Variants in EVI5 observed in about 807,000 individuals in gnomAD.
EVI5 encodes ecotropic viral integration site 5, also known as ecotropic viral integration site 5 protein homolog.
Under a neutral mutation model 112.0 loss-of-function variants are expected in EVI5, and 73 were observed. The observed-to-expected ratio is 0.65, with a 90% confidence interval of 0.54 to 0.79. The LOEUF is 0.79. Among genes scored for constraint, EVI5 ranks in the 30% least tolerant of loss-of-function variants. The pLI, the probability that EVI5 is intolerant of heterozygous loss-of-function variation, is 0.00. For missense variants in EVI5, 900 were observed against 968.8 expected, an observed-to-expected ratio of 0.93 and a Z score of 0.94; for synonymous variants, 305 against 319.9, an observed-to-expected ratio of 0.95 and a Z score of 0.50.
At chr1:92,643,943 AC>A (rs1307003414) in intron 13 of EVI5, among the ~76,000 whole-genome samples, 12 of 152,292 alleles carry the variant, frequency 7.9e-5, no homozygotes, top group Admixed American at 2.6e-4. Context: ...CTTGTTTATA[AC>A]TAATAAATGT....
At chr1:92,605,987 G>C (rs1038479841) in intron 17 of EVI5, among the ~76,000 whole-genome samples, 8 of 152,100 alleles carry the variant, frequency 5.3e-5, no homozygotes, top group African/African-American at 1.9e-4. Flanking sequence ...CATTTAATCA[G>C]AATGTACTAG....
intron 14 of EVI5, 68 bp from the exon 15 acceptor site, chr1:92,626,002 C>T: frequency 1.1e-6 from 1 of 925,606 alleles, no homozygotes; most frequent in Non-Finnish European, 1.7e-6. Context: ...CACACAACAG[C>T]TATTGTGTTC....
chr1:92,655,114 A>C (rs899450179), intron 13 of EVI5, among the ~76,000 whole-genome samples: 2 of 152,134 alleles, frequency 1.3e-5, no homozygotes, highest in African/African-American at 4.8e-5. Flanking sequence ...TCCAAATAGA[A>C]GATGCTCAGA....
At chr1:92,756,514 TG>T in intron 1 of EVI5, 1 of 533,312 alleles carries the variant, frequency 1.9e-6, no homozygotes, top group South Asian at 1.4e-5. Flanking sequence ...TGCTTACTCC[TG>T]GTATTTCTTA....
At chr1:92,540,884 G>T (rs2101953072) in intron 19 of EVI5, among the ~76,000 whole-genome samples, 1 of 152,154 alleles carries the variant, frequency 6.6e-6, no homozygotes, top group African/African-American at 2.4e-5. Flanking sequence ...GTACAGCCTG[G>T]CCAACATGGT....
In EVI5 at chr1:92,524,145, T is replaced by TA. The variant is rs113683851; in HGVS notation, c.2167-10176dup. On this transcript the variant is annotated intron_variant, in intron 19 of 19. Coordinates refer to ENST00000684568, the MANE Select transcript of EVI5 (RefSeq NM_001350197.2). ...AAAGAAACTGCCTGGGTTTATTATT[T>TA]AAAAAAAAAAAAAAAAGATTCTTGA... is the stretch of plus-strand genomic sequence containing the variant. 4.1e-3 allele frequency among the ~76,000 whole-genome samples: 552 copies of TA among 133,792 alleles called. 4 individuals carry two copies. Among genetic ancestry groups the TA allele is most frequent in the African/African-American group, 0.012 (438 of 36,318 alleles). The allele number at this position is 133,792 out of a possible 152,430, so 87.8% of individuals were successfully genotyped here.
chr1:92,702,030 G>GA, intron 5 of EVI5, 111 bp downstream of exon 5: 1 of 556,780 alleles, frequency 1.8e-6, no homozygotes, highest in Non-Finnish European at 3.1e-6. Context: ...TTATGCCTAG[G>GA]AAAAAATACC....
intron 16 of EVI5, among the ~76,000 whole-genome samples, chr1:92,617,415 A>G (rs1430483927): frequency 6.6e-6 from 1 of 152,194 alleles, no homozygotes; most frequent in East Asian, 1.9e-4. Flanking sequence ...AAAATCTGTG[A>G]AGACATTTGT....
chr1:92,567,384 T>C (rs1285082257), intron 18 of EVI5, among the ~76,000 whole-genome samples: 1 of 152,188 alleles, frequency 6.6e-6, no homozygotes, highest in Non-Finnish European at 1.5e-5. Flanking sequence ...TGCAGTAATG[T>C]AGGCCATTCA....
chr1:92,622,659 T>C (rs1654846116), intron 16 of EVI5, among the ~76,000 whole-genome samples: 1 of 152,234 alleles, frequency 6.6e-6, no homozygotes, highest in African/African-American at 2.4e-5. Context: ...TTTTATTTAT[T>C]TATTTTTCAT....
At chr1:92,620,684 T>A (rs540301872) in intron 16 of EVI5, among the ~76,000 whole-genome samples, 1 of 152,152 alleles carries the variant, frequency 6.6e-6, no homozygotes, top group African/African-American at 2.4e-5. Context: ...TCTTTTAAAA[T>A]TGAAGAAATA....
chr1:92,537,921 T>C (rs934321842), intron 19 of EVI5, among the ~76,000 whole-genome samples: 1 of 152,134 alleles, frequency 6.6e-6, no homozygotes, highest in African/African-American at 2.4e-5. Context: ...GTAGATTTCA[T>C]GTAAAACTGT....
intron 19 of EVI5, among the ~76,000 whole-genome samples, chr1:92,558,770 G>C (rs1258843538): frequency 6.6e-6 from 1 of 151,210 alleles, no homozygotes; most frequent in African/African-American, 2.4e-5. Context: ...AGGAAGTTAA[G>C]GTGGAAGGAT....
At chr1:92,552,125 A>G (rs917787145) in intron 19 of EVI5, among the ~76,000 whole-genome samples, 5 of 4,388 alleles carry the variant, frequency 1.1e-3, no homozygotes, top group Admixed American at 6.0e-3. Flanking sequence ...CTGTAGGGAA[A>G]AAAAAAAAAA....
chr1:92,688,553 T>A (rs1444663969), intron 9 of EVI5, among the ~76,000 whole-genome samples: 3 of 151,912 alleles, frequency 2.0e-5, no homozygotes, highest in Non-Finnish European at 4.4e-5. Context: ...GGTGACAGGT[T>A]TTCCTTCCTT....
intron 1 of EVI5, chr1:92,756,763 T>C: frequency 2.0e-6 from 1 of 504,454 alleles, no homozygotes. Context: ...TATGCACGCC[T>C]CATCTTACAA....
intron 2 of EVI5, among the ~76,000 whole-genome samples, chr1:92,725,957 T>A (rs1360536471): frequency 1.3e-5 from 2 of 152,056 alleles, no homozygotes; most frequent in East Asian, 3.8e-4. Flanking sequence ...ATGTGAGAGA[T>A]AAAAAATACA....
intron 2 of EVI5, among the ~76,000 whole-genome samples, chr1:92,714,759 C>A (rs998959254): frequency 1.3e-5 from 2 of 152,000 alleles, no homozygotes; most frequent in Non-Finnish European, 2.9e-5. Flanking sequence ...CCAGCTAATT[C>A]TTTTATTTTC....
At chr1:92,728,010 A>C (rs927668774) in intron 2 of EVI5, among the ~76,000 whole-genome samples, 1 of 38,516 alleles carries the variant, frequency 2.6e-5, no homozygotes, top group Non-Finnish European at 5.4e-5. Context: ...AAAAAAGTTA[A>C]AGATAAACAA....
Sources: gnomAD v4.1 joint callset for allele counts (sites outside exome capture counted in the v4.1 genomes callset) on GRCh38, gnomAD v4.1.1 for gene constraint, MANE v1.5 for transcripts, NCBI Gene and HGNC (gene_info 2026-07-23, HGNC 2026-07-21) for gene names.